Variants in ASB15 observed in about 807,000 individuals in gnomAD.
ASB15 encodes the protein ankyrin repeat and SOCS box containing 15.
In ASB15, 54 loss-of-function variants were observed where a neutral mutation model predicts 58.0. The observed-to-expected ratio is 0.93, with a 90% confidence interval of 0.75 to 1.17. The LOEUF (loss-of-function observed/expected upper bound fraction) is 1.17. Ranked by LOEUF, ASB15 falls within the 50% of genes most tolerant of loss-of-function variation. The pLI is 0.00. For synonymous variants in ASB15, 249 were observed against 262.4 expected, an observed-to-expected ratio of 0.95 and a Z score of 0.50; for missense variants, 680 against 707.4, an observed-to-expected ratio of 0.96 and a Z score of 0.44.
chr7:123,611,411 C>T (rs1464740620), intron 3 of ASB15, among the ~76,000 whole-genome samples: 1 of 152,152 alleles, frequency 6.6e-6, no homozygotes, highest in Non-Finnish European at 1.5e-5. Context: ...TCTCCTGCCT[C>T]AGTCTCCCGA....
At chr7:123,570,031 T>A (rs1798865007) in intron 1 of ASB15, among the ~76,000 whole-genome samples, 1 of 14,988 alleles carries the variant, frequency 6.7e-5, no homozygotes, top group Non-Finnish European at 1.3e-4. Context: ...TGCCATAGCT[T>A]TTTTTTTTTT....
chr7:123,600,223 G>A (rs1355028339), upstream of ASB15, among the ~76,000 whole-genome samples: 1 of 152,112 alleles, frequency 6.6e-6, no homozygotes, highest in Admixed American at 6.6e-5. Flanking sequence ...AGCAAGACGT[G>A]TTCACAGGAC....
chr7:123,599,185 G>A (rs563688090), upstream of ASB15, among the ~76,000 whole-genome samples: 21 of 152,256 alleles, frequency 1.4e-4, no homozygotes, highest in African/African-American at 2.6e-4. Flanking sequence ...GAAGCCAAGA[G>A]AGATATACAT....
At chr7:123,606,889 G>A (rs529565166) in intron 2 of ASB15, among the ~76,000 whole-genome samples, 12 of 152,060 alleles carry the variant, frequency 7.9e-5, no homozygotes, top group African/African-American at 2.2e-4. Flanking sequence ...CTTGGCTGCC[G>A]TAAATACTGC....
intron 11 of ASB15, among the ~76,000 whole-genome samples, chr7:123,632,647 T>G (rs924167363): frequency 6.6e-6 from 1 of 152,050 alleles, no homozygotes; most frequent in Non-Finnish European, 1.5e-5. Flanking sequence ...TGCCTTTGCA[T>G]CCCTGTAGCT....
At position 123,624,821 on chromosome 7, in the gene ASB15, G is replaced by A; in HGVS notation, c.697+7G>A. The A allele has an allele frequency of 6.2e-7, 1 of 1,612,148 alleles. No homozygotes were observed. Among genetic ancestry groups the A allele is most frequent in the Non-Finnish European group, 8.5e-7 (1 of 1,178,902 alleles). Reference sequence around the variant, plus strand: ...GAACATCTAATCCACAAAGGTATGTGAAAAGGAGTTACACTTCCTGACTTT... The same window carrying A: ...GAACATCTAATCCACAAAGGTATGTAAAAAGGAGTTACACTTCCTGACTTT... On this transcript the variant is annotated splice_region_variant and intron_variant, in intron 8 of 11. Coordinates refer to ENST00000451215, the MANE Select transcript of ASB15 (RefSeq NM_001290258.2).
At chr7:123,620,530 A>T (rs866197421) in intron 7 of ASB15, among the ~76,000 whole-genome samples, 6 of 16,134 alleles carry the variant, frequency 3.7e-4, no homozygotes, top group East Asian at 2.1e-3. Flanking sequence ...ATATATATAT[A>T]TATATATATA....
At chr7:123,625,083 C>T (rs1562937344) in intron 8 of ASB15, 1 of 384,956 alleles carries the variant, frequency 2.6e-6, no homozygotes, top group African/African-American at 2.0e-5. Flanking sequence ...ATAGATGGCC[C>T]ATCAGGGCCT....
In ASB15 at chr7:123,618,614, C is replaced by T. The variant is rs6973716; in HGVS notation, c.451+877C>T. Among the ~76,000 whole-genome samples, 47 of 151,444 alleles carry T rather than the reference C, an allele frequency of 3.1e-4. No individual in the cohort carries two copies. The South Asian group carries it at 8.8e-3, about 28-fold the overall frequency. ...TTGTCTGTGTGGCGGGAGGAGGAGA[C>T]GGAAGAGGAGCAGGAGCAGGAGGAG... On this transcript the variant is annotated intron_variant, in intron 7 of 11. Transcript: ENST00000451215.
rs146264155 is a variant in ASB15, at chr7:123,638,753, A to G, written c.*1772A>G. On this transcript the variant is annotated 3_prime_UTR_variant, in exon 12 of 12. Transcript: ENST00000451215. ...TTTTTTTGCACCCTTTCACCTGATCAACTCCCACTTACCCTATAGGTCTCA... is the reference window on the plus strand; with the variant it reads ...TTTTTTTGCACCCTTTCACCTGATCGACTCCCACTTACCCTATAGGTCTCA... 7 of 152,192 alleles carry G rather than the reference A, an allele frequency of 4.6e-5. No individual in the cohort carries two copies. Among genetic ancestry groups the G allele is most frequent in the Non-Finnish European group, 1.0e-4 (7 of 68,046 alleles). The allele number at this position is 152,192 out of a possible 1,614,324, so 9.4% of individuals were successfully genotyped here.
chr7:123,601,078 G>C (rs1799859916), upstream of ASB15, among the ~76,000 whole-genome samples: 1 of 152,168 alleles, frequency 6.6e-6, no homozygotes, highest in African/African-American at 2.4e-5. Context: ...AGGGGATAGA[G>C]GCCAGATGGC....
chr7:123,592,457 T>C (rs1381082343), intron 1 of ASB15, among the ~76,000 whole-genome samples: 1 of 152,236 alleles, frequency 6.6e-6, no homozygotes, highest in African/African-American at 2.4e-5. Context: ...CTGCTTTAAA[T>C]GTATCCCAGA....
intron 11 of ASB15, among the ~76,000 whole-genome samples, chr7:123,632,948 G>A (rs1470210996): frequency 6.6e-6 from 1 of 152,294 alleles, no homozygotes; most frequent in Middle Eastern, 3.4e-3. Flanking sequence ...AAAGACAATG[G>A]AGTAACATAT....
chr7:123,637,759 C>G lies in ASB15; in HGVS notation c.*778C>G, dbSNP rs977170573. On this transcript the variant is annotated 3_prime_UTR_variant, in exon 12 of 12. Transcript: ENST00000451215. ...GTCTTAATCATTTTGCTAGAGACTA[C>G]AAAATTTCCATCCAAAGCTCAGCTC... is the stretch of plus-strand genomic sequence containing the variant. 6.6e-6 allele frequency: 1 copy of G among 150,912 alleles called. No individual in the cohort carries two copies. The highest frequency in any genetic ancestry group is 1.5e-5 in the Non-Finnish European group (1 of 67,904). The allele number at this position is 150,912 out of a possible 1,614,324, so 9.3% of individuals were successfully genotyped here. A position where few individuals can be genotyped will look rare whatever the true frequency, so the allele number is the denominator to read the frequency against.
chr7:123,623,312 A>G (rs1000376802), intron 7 of ASB15, among the ~76,000 whole-genome samples: 41 of 152,208 alleles, frequency 2.7e-4, no homozygotes, highest in Admixed American at 2.7e-3. Flanking sequence ...TATTTTAATA[A>G]GATTTTACTT....
In ASB15 at chr7:123,636,798, A is replaced by C; in HGVS notation, c.1595-11A>C. The C allele has an allele frequency of 6.3e-7, 1 of 1,589,734 alleles. No individual in the cohort carries two copies. Reference sequence around the variant, plus strand: ...AAAAATTTTTTTGCTTATTTTCCCGATTTCTTTTAGAGAATCCTTGTTCAT... The same window carrying C: ...AAAAATTTTTTTGCTTATTTTCCCGCTTTCTTTTAGAGAATCCTTGTTCAT... On this transcript the variant is annotated splice_polypyrimidine_tract_variant and intron_variant, in intron 11 of 11. Coordinates refer to ENST00000451215, the MANE Select transcript of ASB15 (RefSeq NM_001290258.2).
chr7:123,611,467 T>G (rs951993675), intron 3 of ASB15, among the ~76,000 whole-genome samples: 6 of 141,324 alleles, frequency 4.2e-5, no homozygotes, highest in African/African-American at 1.5e-4. Context: ...ATTTTTTTTG[T>G]ATTTTTTTTT....
intron 2 of ASB15, among the ~76,000 whole-genome samples, chr7:123,604,937 C>T (rs930574859): frequency 2.0e-5 from 3 of 152,116 alleles, no homozygotes; most frequent in African/African-American, 7.2e-5. Context: ...GTTAACCAGG[C>T]AGCTAATGCA....
chr7:123,620,863 G>A (rs1475508006), intron 7 of ASB15, among the ~76,000 whole-genome samples: 4 of 151,716 alleles, frequency 2.6e-5, no homozygotes, highest in South Asian at 2.1e-4. Flanking sequence ...TGCCTGGCCC[G>A]TGACCTATAT....
Sources: gnomAD v4.1 joint callset for allele counts (sites outside exome capture counted in the v4.1 genomes callset) on GRCh38, gnomAD v4.1.1 for gene constraint, MANE v1.5 for transcripts, NCBI Gene and HGNC (gene_info 2026-07-23, HGNC 2026-07-21) for gene names.